The following NOTCH2 variants were observed in gnomAD, a reference collection of about 807,000 sequenced individuals.
NOTCH2 encodes neurogenic locus notch homolog protein 2.
In NOTCH2, 29 loss-of-function variants were observed where a neutral mutation model predicts 235.8. The observed-to-expected ratio is 0.12, with a 90% confidence interval of 0.09 to 0.17. The LOEUF (loss-of-function observed/expected upper bound fraction) is 0.17. Ranked by LOEUF, NOTCH2 falls within the 10% of genes least tolerant of loss-of-function variation. The probability of loss-of-function intolerance (pLI) is 1.00; values close to 1 mark genes in which losing one functional copy is unlikely to be tolerated. For missense variants in NOTCH2, 2,285 were observed against 3,150.2 expected, an observed-to-expected ratio of 0.73 and a Z score of 6.57; for synonymous variants, 1,086 against 1,141.5, an observed-to-expected ratio of 0.95 and a Z score of 0.98.
At chr1:119,947,798 G>C (rs771412900) in intron 17 of NOTCH2, among the ~76,000 whole-genome samples, 7 of 152,154 alleles carry the variant, frequency 4.6e-5, no homozygotes, top group Non-Finnish European at 8.8e-5. Flanking sequence ...GAATACTGCA[G>C]AACAATAAAC....
At chr1:120,017,914 G>GA (rs782032423) in intron 2 of NOTCH2, among the ~76,000 whole-genome samples, 12 of 142,484 alleles carry the variant, frequency 8.4e-5, no homozygotes, top group South Asian at 4.5e-4. Context: ...CCCTGACTAA[G>GA]AAAAAAAAAA....
At chr1:119,961,839 C>T (rs587692924) in intron 11 of NOTCH2, among the ~76,000 whole-genome samples, 2 of 152,270 alleles carry the variant, frequency 1.3e-5, no homozygotes, top group Admixed American at 1.3e-4. Flanking sequence ...TCCATCCACT[C>T]CCCTATCCAA....
intron 14 of NOTCH2, among the ~76,000 whole-genome samples, chr1:119,952,350 T>C (rs1324984668): frequency 6.6e-6 from 1 of 152,218 alleles, no homozygotes; most frequent in African/African-American, 2.4e-5. Flanking sequence ...ATCCCATTTA[T>C]TGTGCACTTT....
At chr1:119,916,838 G>T in intron 33 of NOTCH2, 144 bp from the exon 34 acceptor site, 1 of 826,014 alleles carries the variant, frequency 1.2e-6, no homozygotes, top group Non-Finnish European at 2.0e-6. Context: ...CAGATAGGCT[G>T]TGCCTCTACC....
chr1:119,966,275 T>A, intron 9 of NOTCH2, 101 bp downstream of exon 9: 1 of 824,092 alleles, frequency 1.2e-6, no homozygotes. Flanking sequence ...TCTAATGATT[T>A]CCTCATGCAC....
chr1:119,917,641 A>G, intron 33 of NOTCH2, 24 bp downstream of exon 33: 1 of 1,514,934 alleles, frequency 6.6e-7, no homozygotes. Flanking sequence ...GAGCCTCCTC[A>G]AGCTCAGAGC....
At chr1:119,922,188 C>A in intron 28 of NOTCH2, 48 bp downstream of exon 28, 1 of 1,564,368 alleles carries the variant, frequency 6.4e-7, no homozygotes, top group South Asian at 1.1e-5. Flanking sequence ...CTTTTCTAGT[C>A]ATCCCTACTT....
chr1:119,972,356 A>C (rs1239759153), intron 5 of NOTCH2, among the ~76,000 whole-genome samples: 1 of 152,222 alleles, frequency 6.6e-6, no homozygotes, highest in Admixed American at 6.5e-5. Flanking sequence ...ACCAAGAAGT[A>C]GGTGAAGAGC....
At chr1:120,011,512 AG>A (rs1553206933) in intron 2 of NOTCH2, among the ~76,000 whole-genome samples, 2 of 152,198 alleles carry the variant, frequency 1.3e-5, no homozygotes, top group African/African-American at 4.8e-5. Flanking sequence ...TATGCTTAAT[AG>A]TAGTCATAAT....
At chr1:119,980,166 G>A (rs782237753) in intron 5 of NOTCH2, among the ~76,000 whole-genome samples, 1 of 152,056 alleles carries the variant, frequency 6.6e-6, no homozygotes, top group African/African-American at 2.4e-5. Flanking sequence ...TCACAAGCAC[G>A]CTCACATTCT....
chr1:119,978,408 T>C (rs1651676297), intron 5 of NOTCH2, among the ~76,000 whole-genome samples: 1 of 152,172 alleles, frequency 6.6e-6, no homozygotes, highest in Admixed American at 6.5e-5. Flanking sequence ...CCAATGCATG[T>C]TTCAGAAAGT....
At position 119,963,588 on chromosome 1, in the gene NOTCH2, T is replaced by C; in HGVS notation, c.1901A>G (p.Gln634Arg). ...AGTGGGCTTACCTGACGTGCCTGGC[T>C]GGCAGTTGCACTGGTAGCCATTGAC... ...DLVNGYQCNC[Q>R]PGTSGVNCEI... is the part of the protein sequence containing the mutation. Residue 634 changes from glutamine (Q) to arginine (R), a missense_variant, in exon 11 of 34, where the codon CAG (glutamine) becomes CGG (arginine). By Grantham distance (43) the Gln-to-Arg change is conservative. Around this residue, in one of 6 missense-constraint regions of NOTCH2, gnomAD observed 431 missense variants for 757.8 expected, o/e 0.57. Transcript: ENST00000256646. 2 of 1,614,036 alleles carry C rather than the reference T, an allele frequency of 1.2e-6. No homozygotes were observed. Among genetic ancestry groups the C allele is most frequent in the Admixed American group, 1.7e-5 (1 of 60,030 alleles).
chr1:119,936,988 T>C (rs587766120), intron 21 of NOTCH2, among the ~76,000 whole-genome samples: 3 of 152,204 alleles, frequency 2.0e-5, no homozygotes, highest in Admixed American at 6.5e-5. Context: ...TGGACTGCTA[T>C]GTTGGGTGGG....
intron 22 of NOTCH2, among the ~76,000 whole-genome samples, chr1:119,933,723 T>C (rs1265584042): frequency 6.6e-6 from 1 of 152,234 alleles, no homozygotes; most frequent in Non-Finnish European, 1.5e-5. Context: ...AAAATTTTGT[T>C]TCCTTCTGAA....
intron 22 of NOTCH2, 147 bp from the exon 23 acceptor site, chr1:119,929,359 GCACA>G: frequency 1.4e-6 from 1 of 714,808 alleles, no homozygotes; most frequent in South Asian, 1.6e-5. Context: ...GCAGGGCAAA[GCACA>G]CTCTTTATTC....
Position 119,928,992 on chromosome 1 carries a change from G to A in NOTCH2, c.3876C>T (p.Cys1292=), listed in dbSNP as rs1340843073. ...IQLTNDYLCV[C]RSAFTGRHCE... ...GCTTCTCACCAGTAAAGGCACTACG[G>A]CAAACACACAGGTAGTCATTGGTGA... The change falls in exon 23 of 34, where the codon TGC becomes TGT. Residue 1292 remains cysteine (C), a synonymous_variant. Coordinates refer to ENST00000256646, the MANE Select transcript of NOTCH2 (RefSeq NM_024408.4). 4 of 1,614,104 alleles carry A rather than the reference G, an allele frequency of 2.5e-6. No individual in the cohort carries two copies. The highest frequency in any genetic ancestry group is 1.3e-5 in the African/African-American group (1 of 75,038).
intron 8 of NOTCH2, among the ~76,000 whole-genome samples, 182 bp downstream of exon 8, chr1:119,967,251 C>T (rs1651176446): frequency 6.6e-6 from 1 of 152,114 alleles, no homozygotes; most frequent in Non-Finnish European, 1.5e-5. Flanking sequence ...TCTAGCACTG[C>T]CTTACTCTTT....
intron 1 of NOTCH2, among the ~76,000 whole-genome samples, chr1:120,045,647 C>A (rs1388789302): frequency 1.3e-5 from 2 of 152,062 alleles, no homozygotes; most frequent in Non-Finnish European, 2.9e-5. Context: ...AGTATTCCCT[C>A]TTAAGGAGAG....
At chr1:120,021,099 G>T in intron 2 of NOTCH2, among the ~76,000 whole-genome samples, 1 of 110,548 alleles carries the variant, frequency 9.0e-6, no homozygotes, top group South Asian at 3.1e-4. Context: ...TACATTTTTG[G>T]ACACAGAGGA....
Sources: gnomAD v4.1 joint callset for allele counts (sites outside exome capture counted in the v4.1 genomes callset) on GRCh38, gnomAD v4.1.1 for gene constraint, gnomAD v4.1.1 regional missense constraint, MANE v1.5 for transcripts, NCBI Gene and HGNC (gene_info 2026-07-23, HGNC 2026-07-21) for gene names.